RBFOX3: variants seen among roughly 807,000 people sequenced by gnomAD.
The protein encoded by RBFOX3 is RNA binding protein fox-1 homolog 3.
A neutral mutation model predicts 48.7 loss-of-function variants in RBFOX3; 17 were observed. That is an observed-to-expected ratio of 0.35 (90% CI 0.24 to 0.52). RBFOX3 has a LOEUF of 0.52. Ranked by LOEUF, RBFOX3 falls within the 20% of genes least tolerant of loss-of-function variation. The probability of loss-of-function intolerance (pLI) is 0.94; values close to 1 mark genes in which losing one functional copy is unlikely to be tolerated. For missense variants in RBFOX3, 382 were observed against 497.5 expected (o/e 0.77, Z 2.21); for synonymous variants, 212 against 209.5 (o/e 1.01, Z -0.10).
At chr17:79,190,432 C>CAAAAAAACTATAACAAAA (rs758526092) in intron 4 of RBFOX3, among the ~76,000 whole-genome samples, 24 of 114,734 alleles carry the variant, frequency 2.1e-4, no homozygotes, top group Non-Finnish European at 3.7e-4. Context: ...AAAAAAAAAA[C>CAAAAAAACTATAACAAAA]AAAAAAACAG....
intron 11 of RBFOX3, 57 bp downstream of exon 11, chr17:79,097,235 C>T: frequency 1.5e-6 from 2 of 1,365,580 alleles, no homozygotes; most frequent in Non-Finnish European, 2.0e-6. Flanking sequence ...CTCCCCATTT[C>T]CCTCCTCCCC....
intron 2 of RBFOX3, among the ~76,000 whole-genome samples, chr17:79,377,766 T>A (rs780086854): frequency 2.3e-4 from 35 of 152,022 alleles, no homozygotes; most frequent in Admixed American, 3.9e-4. Context: ...AGCCCACGGC[T>A]TTCTAGGTGT....
At chr17:79,175,100 T>A (rs1035314736) in intron 4 of RBFOX3, among the ~76,000 whole-genome samples, 5 of 152,138 alleles carry the variant, frequency 3.3e-5, no homozygotes, top group African/African-American at 1.2e-4. Flanking sequence ...TGACACTCTA[T>A]CTCCCTTCCC....
At chr17:79,156,516 C>T (rs1179354620) in intron 4 of RBFOX3, among the ~76,000 whole-genome samples, 2 of 152,182 alleles carry the variant, frequency 1.3e-5, no homozygotes, top group Non-Finnish European at 2.9e-5. Flanking sequence ...CCCTCTTCCA[C>T]GTCTCCAGTT....
At chr17:79,409,736 C>A (rs2064024623) in intron 2 of RBFOX3, among the ~76,000 whole-genome samples, 1 of 152,216 alleles carries the variant, frequency 6.6e-6, no homozygotes, top group Non-Finnish European at 1.5e-5. Context: ...CGTATTCCCA[C>A]AGAGCGGGCA....
chr17:79,262,893 G>A (rs76784486), intron 3 of RBFOX3, among the ~76,000 whole-genome samples: 5,893 of 152,372 alleles, frequency 0.039, 121 homozygotes, highest in East Asian at 0.087. Context: ...CGCCAGCTCT[G>A]GTTGCCTTCT....
In RBFOX3 at chr17:79,103,105, T is replaced by TG; in HGVS notation, c.507+56dup. 4 of 1,321,988 alleles carry TG rather than the reference T, an allele frequency of 3.0e-6. No homozygotes were observed. Among genetic ancestry groups the TG allele is most frequent in the Non-Finnish European group, 2.1e-6 (2 of 940,518 alleles). 81.9% of individuals were successfully genotyped at this position (1,321,988 alleles called of 1,614,324 possible). A position where few individuals can be genotyped will look rare whatever the true frequency, so the allele number is the denominator to read the frequency against. ...GGCAGGGCTGGTTGGTTGGGGGAGCTGGGGGGCAGGTGGGCGATCTTGGGG... is the reference window on the plus strand; with the variant it reads ...GGCAGGGCTGGTTGGTTGGGGGAGCTGGGGGGGCAGGTGGGCGATCTTGGGG... On this transcript the variant is annotated intron_variant, in intron 8 of 14. Transcript: ENST00000693108. The surrounding 1 kb of genome is among the most constrained non-coding windows in gnomAD (Gnocchi z 6.1).
At chr17:79,097,471 C>G in intron 10 of RBFOX3, 47 bp from the exon 11 acceptor site, 2 of 1,491,102 alleles carry the variant, frequency 1.3e-6, no homozygotes, top group Non-Finnish European at 1.8e-6. Context: ...ACAAGGGGAC[C>G]CACCTGGCAC....
chr17:79,344,569 T>TTATC, intron 2 of RBFOX3, among the ~76,000 whole-genome samples: 1 of 151,568 alleles, frequency 6.6e-6, no homozygotes, highest in Non-Finnish European at 1.5e-5. Context: ...ATTTATTTAT[T>TTATC]TAGAAGACGG....
At chr17:79,616,193 CAGAGT>C in the RBFOX3 span, among the ~76,000 whole-genome samples, 1 of 152,132 alleles carries the variant, frequency 6.6e-6, no homozygotes, top group Non-Finnish European at 1.5e-5. Context: ...CTCAGTCCAA[CAGAGT>C]AAATTATAAG....
chr17:79,498,415 A>G (rs1433851056), intron 1 of RBFOX3, among the ~76,000 whole-genome samples: 1 of 151,710 alleles, frequency 6.6e-6, no homozygotes, highest in Non-Finnish European at 1.5e-5. Context: ...CCACTCACCC[A>G]TCCATCTACT....
At chr17:79,210,415 G>T (rs976787953) in intron 4 of RBFOX3, among the ~76,000 whole-genome samples, 1 of 152,142 alleles carries the variant, frequency 6.6e-6, no homozygotes, top group Admixed American at 6.5e-5. Flanking sequence ...ATACAGAGAC[G>T]GCTTCCCTTG....
chr17:79,347,435 T>G (rs544114030), intron 2 of RBFOX3, among the ~76,000 whole-genome samples: 16 of 152,312 alleles, frequency 1.1e-4, no homozygotes, highest in African/African-American at 3.6e-4. Context: ...ATATGTCCTC[T>G]TCTATATTTT....
chr17:79,393,239 G>A (rs368312997), intron 2 of RBFOX3, among the ~76,000 whole-genome samples: 18 of 152,332 alleles, frequency 1.2e-4, no homozygotes, highest in East Asian at 5.8e-4. Context: ...CCGCGTAGCC[G>A]CCTGCTGCAG....
intron 2 of RBFOX3, among the ~76,000 whole-genome samples, chr17:79,383,609 G>A (rs2060208252): frequency 6.6e-6 from 1 of 152,214 alleles, no homozygotes; most frequent in Non-Finnish European, 1.5e-5. Flanking sequence ...GCCCCTTACA[G>A]AGTCAGAGCA....
chr17:79,276,473 G>A (rs544453955), intron 3 of RBFOX3, among the ~76,000 whole-genome samples: 1 of 152,252 alleles, frequency 6.6e-6, no homozygotes, highest in South Asian at 2.1e-4. Flanking sequence ...ATCACCTGAG[G>A]TCAGGAGTTC....
At chr17:79,445,084 A>C (rs782245596) in intron 2 of RBFOX3, among the ~76,000 whole-genome samples, 11 of 152,132 alleles carry the variant, frequency 7.2e-5, no homozygotes, top group Non-Finnish European at 1.3e-4. Flanking sequence ...GTCAGGTTTC[A>C]TGCTTATTTG....
At chr17:79,636,287 G>A in the RBFOX3 span, among the ~76,000 whole-genome samples, 1 of 152,062 alleles carries the variant, frequency 6.6e-6, no homozygotes. Context: ...TTATGTGTGT[G>A]TGTGCATGAT....
chr17:79,148,505 C>CCA (rs1291151495), intron 4 of RBFOX3, among the ~76,000 whole-genome samples: 7 of 152,176 alleles, frequency 4.6e-5, no homozygotes, highest in African/African-American at 1.7e-4. Flanking sequence ...CACACCCCCC[C>CCA]AGACCATGGT....
Sources: gnomAD v4.1 joint callset for allele counts (sites outside exome capture counted in the v4.1 genomes callset) on GRCh38, gnomAD v4.1.1 for gene constraint, Gnocchi (gnomAD v3.1) non-coding constraint, MANE v1.5 for transcripts, NCBI Gene and HGNC (gene_info 2026-07-23, HGNC 2026-07-21) for gene names.